TTLL11: variants seen among roughly 807,000 people sequenced by gnomAD.
TTLL11 encodes tubulin tyrosine ligase like 11.
TTLL11 carries 42 observed loss-of-function variants against 51.7 expected under a neutral mutation model. The observed-to-expected ratio is 0.81, with a 90% CI of 0.64 to 1.05. TTLL11 has a LOEUF of 1.05. TTLL11 is among the 50% of genes least tolerant of loss of function. The pLI is 0.00. For missense variants in TTLL11, 799 were observed against 940.4 expected (o/e 0.85, Z 1.97); for synonymous variants, 381 against 383.5 (o/e 0.99, Z 0.08).
At chr9:122,007,379 G>C (rs1843685818) in intron 3 of TTLL11, among the ~76,000 whole-genome samples, 1 of 151,470 alleles carries the variant, frequency 6.6e-6, no homozygotes, top group Non-Finnish European at 1.5e-5. Flanking sequence ...GGAGGCTGAG[G>C]CAGGAGAATC....
In TTLL11 at chr9:121,906,856, G is replaced by C. The variant is rs566310375; in HGVS notation, c.1482-36108C>G. The stretch of plus-strand genomic sequence containing the variant: ...TGTGCCAGGTGATGGGGTCCAGAGA[G>C]GAGTAAAAAGCTCTATCTGCCTTCC... On this transcript the variant is annotated intron_variant, in intron 6 of 8. Coordinates refer to ENST00000321582, the MANE Select transcript of TTLL11 (RefSeq NM_001139442.2). 2.7e-4 allele frequency among the ~76,000 whole-genome samples: 41 copies of C among 152,250 alleles called. 1 individual carries two copies. Among genetic ancestry groups the C allele is most frequent in the Admixed American group, 7.2e-4 (11 of 15,284 alleles).
intron 6 of TTLL11, among the ~76,000 whole-genome samples, chr9:121,873,258 GA>G (rs1182421377): frequency 3.3e-5 from 5 of 152,140 alleles, no homozygotes; most frequent in Non-Finnish European, 7.4e-5. Flanking sequence ...TGTTCCAGAC[GA>G]AGAAACTGAG....
intron 1 of TTLL11, among the ~76,000 whole-genome samples, chr9:122,068,599 A>G (rs1247995591): frequency 6.6e-6 from 1 of 152,202 alleles, no homozygotes; most frequent in African/African-American, 2.4e-5. Flanking sequence ...TAAGGCTCAA[A>G]GAAGTTAAAT....
At chr9:121,917,229 G>A (rs926620786) in intron 6 of TTLL11, among the ~76,000 whole-genome samples, 2 of 152,060 alleles carry the variant, frequency 1.3e-5, no homozygotes, top group African/African-American at 4.8e-5. Context: ...GTGCTTTTGA[G>A]AGGCCGAGGT....
At chr9:122,029,441 C>T (rs144858158) in intron 3 of TTLL11, among the ~76,000 whole-genome samples, 21 of 152,190 alleles carry the variant, frequency 1.4e-4, no homozygotes, top group African/African-American at 5.1e-4. Context: ...TATTGATGAT[C>T]CTGACCCCGT....
intron 8 of TTLL11, among the ~76,000 whole-genome samples, chr9:121,823,640 T>C (rs1342377375): frequency 4.6e-5 from 7 of 152,198 alleles, no homozygotes; most frequent in African/African-American, 1.7e-4. Context: ...GACGGCAAAG[T>C]TCTATCTGAT....
intron 8 of TTLL11, among the ~76,000 whole-genome samples, chr9:121,843,518 G>A (rs1005206223): frequency 5.9e-5 from 9 of 152,014 alleles, no homozygotes; most frequent in Admixed American, 5.2e-4. Flanking sequence ...GGGGCTCCAG[G>A]AGCCCCACCA....
intron 6 of TTLL11, among the ~76,000 whole-genome samples, chr9:121,932,788 G>C (rs915618190): frequency 2.6e-5 from 4 of 152,062 alleles, no homozygotes; most frequent in Admixed American, 6.5e-5. Context: ...ATGGAGCTCC[G>C]AGAAAAGATG....
chr9:122,092,547 G>C, intron 1 of TTLL11, 140 bp downstream of exon 1: 1 of 1,439,318 alleles, frequency 6.9e-7, no homozygotes, highest in Non-Finnish European at 9.1e-7. Flanking sequence ...AGCACTTTGC[G>C]GCTGACAAGC....
chr9:122,002,806 C>T (rs569937869), intron 3 of TTLL11, among the ~76,000 whole-genome samples: 1 of 151,740 alleles, frequency 6.6e-6, no homozygotes, highest in African/African-American at 2.4e-5. Flanking sequence ...ATTAGCTGGG[C>T]GTGGTGGCGC....
chr9:121,932,793 A>G (rs766241876), intron 6 of TTLL11, among the ~76,000 whole-genome samples: 6 of 152,186 alleles, frequency 3.9e-5, no homozygotes, highest in African/African-American at 4.8e-5. Context: ...GCTCCGAGAA[A>G]AGATGATGTA....
intron 7 of TTLL11, among the ~76,000 whole-genome samples, chr9:121,863,729 T>G (rs1241281731): frequency 6.6e-6 from 1 of 152,240 alleles, no homozygotes; most frequent in African/African-American, 2.4e-5. Flanking sequence ...CTAGGGCTTT[T>G]CTTGCTCATC....
At chr9:122,054,236 G>C (rs1358931861) in intron 1 of TTLL11, among the ~76,000 whole-genome samples, 2 of 151,864 alleles carry the variant, frequency 1.3e-5, no homozygotes, top group Admixed American at 6.6e-5. Flanking sequence ...GCTTGTGATT[G>C]CAATACTTTT....
chr9:121,840,716 G>A (rs1305008813), intron 8 of TTLL11, among the ~76,000 whole-genome samples: 3 of 152,212 alleles, frequency 2.0e-5, no homozygotes, highest in African/African-American at 7.2e-5. Context: ...TTTCAATGAG[G>A]AGGCAGAGTT....
chr9:122,058,252 G>A (rs1009649232), intron 1 of TTLL11, among the ~76,000 whole-genome samples: 5 of 152,354 alleles, frequency 3.3e-5, no homozygotes, highest in Middle Eastern at 3.4e-3. Flanking sequence ...GGGAGTAGGC[G>A]TGAAACAGAT....
At chr9:121,859,010 C>T (rs1004123695) in intron 8 of TTLL11, among the ~76,000 whole-genome samples, 1 of 152,094 alleles carries the variant, frequency 6.6e-6, no homozygotes, top group Admixed American at 6.5e-5. Context: ...CAGGGTGCTG[C>T]GGGCTCACAG....
chr9:122,089,200 T>C (rs1247080042), intron 1 of TTLL11, among the ~76,000 whole-genome samples: 1 of 152,014 alleles, frequency 6.6e-6, no homozygotes, highest in Non-Finnish European at 1.5e-5. Context: ...ATGACCTTAT[T>C]TCTTACCTGG....
At chr9:121,986,457 C>T (rs1002989013) in intron 4 of TTLL11, among the ~76,000 whole-genome samples, 2 of 152,202 alleles carry the variant, frequency 1.3e-5, no homozygotes, top group African/African-American at 2.4e-5. Context: ...TTGACCCTAG[C>T]TTTTTGATGG....
At chr9:122,037,887 C>T (rs1202402697) in intron 2 of TTLL11, among the ~76,000 whole-genome samples, 1 of 152,106 alleles carries the variant, frequency 6.6e-6, no homozygotes. Flanking sequence ...AGGTGAAAAC[C>T]CCTAGTGGAT....
Sources: gnomAD v4.1 joint callset for allele counts (sites outside exome capture counted in the v4.1 genomes callset) on GRCh38, gnomAD v4.1.1 for gene constraint, MANE v1.5 for transcripts, NCBI Gene and HGNC (gene_info 2026-07-23, HGNC 2026-07-21) for gene names.